The following RAB14 variants were observed in gnomAD, a reference collection of about 807,000 sequenced individuals.
The protein encoded by RAB14 is ras-related protein Rab-14.
In RAB14, 3 loss-of-function variants were observed where a neutral mutation model predicts 31.1. The ratio of observed to expected loss-of-function variants is 0.10; its 90% CI spans 0.04 to 0.25. The LOEUF (loss-of-function observed/expected upper bound fraction) is 0.25. RAB14 is among the 10% of genes least tolerant of loss of function. The pLI is 1.00. For synonymous variants in RAB14, 85 were observed against 84.9 expected (o/e 1.00, Z 0.00); for missense variants, 111 against 260.1 (o/e 0.43, Z 3.94).
intron 1 of RAB14, among the ~76,000 whole-genome samples, chr9:121,198,398 GT>G (rs527801555): frequency 2.0e-3 from 299 of 152,264 alleles, no homozygotes; most frequent in Admixed American, 3.1e-3. Context: ...ATTTTTGGGA[GT>G]TTTTTAATAG....
At chr9:121,184,195 A>G (rs894557065) in intron 5 of RAB14, among the ~76,000 whole-genome samples, 7 of 152,200 alleles carry the variant, frequency 4.6e-5, no homozygotes, top group African/African-American at 1.7e-4. Context: ...AGTTAACAGT[A>G]ACTGATAAGA....
intron 1 of RAB14, among the ~76,000 whole-genome samples, chr9:121,194,169 T>TG (rs1320599163): frequency 6.6e-6 from 1 of 151,652 alleles, no homozygotes; most frequent in Admixed American, 6.6e-5. Flanking sequence ...CTTGAACTCC[T>TG]GGCCTTAAGC....
At chr9:121,194,478 T>G (rs1188448456) in intron 1 of RAB14, among the ~76,000 whole-genome samples, 1 of 152,208 alleles carries the variant, frequency 6.6e-6, no homozygotes, top group African/African-American at 2.4e-5. Context: ...TATCTGAATG[T>G]GTAAGACACG....
rs557463482 is a variant in RAB14, at chr9:121,189,656, G to T, written c.284+898C>A. ...AAATTAAATAAAGTCATACAGCAAA[G>T]AATTTCTTACTGCAGAACTTCCCAG... On this transcript the variant is annotated intron_variant, in intron 4 of 7. Transcript: ENST00000373840. 2.6e-5 allele frequency among the ~76,000 whole-genome samples: 4 copies of T among 152,232 alleles called. No homozygotes were observed. The South Asian group carries it at 6.2e-4, about 24-fold the overall frequency.
chr9:121,197,615 T>A lies in RAB14; in HGVS notation c.-8+4024A>T, dbSNP rs186280207. On this transcript the variant is annotated intron_variant, in intron 1 of 7. Transcript: ENST00000373840. ...ACCTTTCTAAGATTACACAGACATA[T>A]AAACGACTAGTTTTGAAACATGTAG... Among the ~76,000 whole-genome samples, 7 of 152,200 alleles carry A rather than the reference T, an allele frequency of 4.6e-5. No homozygotes were observed. In the South Asian group the frequency reaches 1.4e-3, roughly 31 times the overall value.
rs771246505 is a variant in RAB14, at chr9:121,192,230, TA to T, written c.53-7del. ...TTTTCCTACTCCCATGTCCCCTGTT[TA>T]AAAAAAAAGAAGTTTCAGGTGGCAA... On this transcript the variant is annotated splice_region_variant and splice_polypyrimidine_tract_variant and intron_variant, in intron 2 of 7. Coordinates refer to ENST00000373840, the MANE Select transcript of RAB14 (RefSeq NM_016322.4). The T allele has an allele frequency of 2.4e-4, 376 of 1,566,524 alleles. No homozygotes were observed. The highest frequency in any genetic ancestry group is 7.1e-4 in the South Asian group (61 of 85,468).
chr9:121,197,174 T>C (rs1193943272), intron 1 of RAB14, among the ~76,000 whole-genome samples: 1 of 152,206 alleles, frequency 6.6e-6, no homozygotes, highest in Non-Finnish European at 1.5e-5. Context: ...TAAACTACCC[T>C]TGCTGCCAAG....
rs1042817674 is a variant in RAB14, at chr9:121,180,818, A to G, written c.*578T>C. On this transcript the variant is annotated 3_prime_UTR_variant, in exon 8 of 8. Coordinates refer to ENST00000373840, the MANE Select transcript of RAB14 (RefSeq NM_016322.4). ...TAAAGCTATTAATTAAGCACGAGAG[A>G]GAAGATAAATGGATATTTTCCCTGT... 2 of 152,700 alleles carry G rather than the reference A, an allele frequency of 1.3e-5. No individual in the cohort carries two copies. Among genetic ancestry groups the G allele is most frequent in the Non-Finnish European group, 2.9e-5 (2 of 68,052 alleles). 9.5% of individuals were successfully genotyped at this position (152,700 alleles called of 1,614,324 possible).
At chr9:121,193,973 C>T (rs2053700343) in intron 1 of RAB14, among the ~76,000 whole-genome samples, 1 of 152,082 alleles carries the variant, frequency 6.6e-6, no homozygotes, top group South Asian at 2.1e-4. Context: ...CGTATGATTT[C>T]CAAATCAATG....
intron 3 of RAB14, among the ~76,000 whole-genome samples, chr9:121,190,976 G>C (rs2053683352): frequency 6.6e-6 from 1 of 152,080 alleles, no homozygotes; most frequent in Admixed American, 6.6e-5. Context: ...TTTAAGTTTT[G>C]CAGGTCAAAA....
In RAB14 at chr9:121,189,413, C is replaced by A. The variant is rs190686163; in HGVS notation, c.284+1141G>T. The stretch of plus-strand genomic sequence containing the variant: ...ATAAAATCAGACAGTTCTGCGTAGG[C>A]GGCCAGGTTTATTAACAGTCTTCCC... On this transcript the variant is annotated intron_variant, in intron 4 of 7. Transcript: ENST00000373840. 9.2e-5 allele frequency among the ~76,000 whole-genome samples: 14 copies of A among 152,142 alleles called. No homozygotes were observed. In the East Asian group the frequency reaches 2.1e-3, roughly 23 times the overall value.
chr9:121,193,214 T>C, intron 2 of RAB14, 147 bp downstream of exon 2: 2 of 570,318 alleles, frequency 3.5e-6, no homozygotes, highest in South Asian at 2.3e-5. Flanking sequence ...GCATTGCTAA[T>C]GCAAAAATAA....
At chr9:121,183,022 T>C (rs897438982) in intron 6 of RAB14, 62 bp from the exon 7 acceptor site, 80 of 1,467,854 alleles carry the variant, frequency 5.5e-5, no homozygotes, top group Non-Finnish European at 7.2e-5. Context: ...TGCACTTCTT[T>C]AGTAACATCT....
intron 4 of RAB14, among the ~76,000 whole-genome samples, chr9:121,189,291 T>C (rs2053674342): frequency 6.6e-6 from 1 of 152,142 alleles, no homozygotes; most frequent in African/African-American, 2.4e-5. Context: ...GCTTAAAAGA[T>C]ATGCTTAAAA....
At chr9:121,198,097 T>C (rs1170199466) in intron 1 of RAB14, among the ~76,000 whole-genome samples, 1 of 151,934 alleles carries the variant, frequency 6.6e-6, no homozygotes, top group African/African-American at 2.4e-5. Context: ...GAAAAATACA[T>C]GGACAGGAGA....
intron 1 of RAB14, among the ~76,000 whole-genome samples, chr9:121,200,882 C>G (rs1015129575): frequency 6.6e-6 from 1 of 152,190 alleles, no homozygotes; most frequent in Non-Finnish European, 1.5e-5. Flanking sequence ...GTACCTGGCC[C>G]ACAGTTAAAA....
intron 3 of RAB14, among the ~76,000 whole-genome samples, chr9:121,191,955 A>T (rs1412708805): frequency 6.6e-6 from 1 of 152,128 alleles, no homozygotes; most frequent in Non-Finnish European, 1.5e-5. Flanking sequence ...ACATCAAGAA[A>T]TCAAAACAAG....
intron 7 of RAB14, 114 bp from the exon 8 acceptor site, chr9:121,181,687 T>A: frequency 1.5e-6 from 1 of 674,522 alleles, no homozygotes; most frequent in Non-Finnish European, 2.4e-6. Flanking sequence ...TTAACCACTG[T>A]CATCTAATAA....
At chr9:121,195,125 C>T (rs1236492516) in intron 1 of RAB14, among the ~76,000 whole-genome samples, 2 of 152,134 alleles carry the variant, frequency 1.3e-5, no homozygotes, top group Non-Finnish European at 2.9e-5. Flanking sequence ...GGTCCTGAGA[C>T]TAAAACTGGT....
Sources: allele counts gnomAD v4.1 joint callset (sites outside exome capture counted in the v4.1 genomes callset), GRCh38; gene constraint gnomAD v4.1.1; transcripts MANE v1.5; gene names NCBI Gene and HGNC (gene_info 2026-07-23, HGNC 2026-07-21).